Variants in RFX3 observed in about 807,000 individuals in gnomAD.
RFX3 encodes the protein regulatory factor X3.
In RFX3, 14 loss-of-function variants were observed where a neutral mutation model predicts 98.6. The observed-to-expected ratio is 0.14, with a 90% CI of 0.09 to 0.22. RFX3 has a LOEUF of 0.22. RFX3 is among the 10% of genes least tolerant of loss of function. The probability of loss-of-function intolerance (pLI) is 1.00; values close to 1 mark genes in which losing one functional copy is unlikely to be tolerated. For synonymous variants in RFX3, 383 were observed against 328.4 expected (o/e 1.17, Z -1.80); for missense variants, 639 against 926.9 (o/e 0.69, Z 4.03).
intron 2 of RFX3, among the ~76,000 whole-genome samples, chr9:3,373,906 G>T (rs1034648076): frequency 6.6e-6 from 1 of 152,054 alleles, no homozygotes; most frequent in African/African-American, 2.4e-5. Context: ...GTGAAATCCC[G>T]TCTCTAATAA....
At chr9:3,264,211 T>C (rs1823311525) in intron 12 of RFX3, among the ~76,000 whole-genome samples, 1 of 152,210 alleles carries the variant, frequency 6.6e-6, no homozygotes, top group Non-Finnish European at 1.5e-5. Flanking sequence ...TAATGCAAAA[T>C]GTCTACATGA....
rs202171184 is a variant in RFX3 at position 3,463,246 on chromosome 9, A to G, written c.-9+62501T>C. Among the ~76,000 whole-genome samples, 5 of 152,298 alleles carry G rather than the reference A, an allele frequency of 3.3e-5. No homozygotes were observed. In the East Asian group the frequency reaches 9.6e-4, roughly 29 times the overall value. ...ATATATATGGTCAACTGATTTTTCA[A>G]TGAAAACGCTAAGGTAATTAAATGG... On this transcript the variant is annotated intron_variant, in intron 1 of 16. Coordinates refer to ENST00000617270, the MANE Select transcript of RFX3 (RefSeq NM_001282116.2).
intron 13 of RFX3, among the ~76,000 whole-genome samples, chr9:3,259,241 A>C (rs1199294286): frequency 2.6e-5 from 4 of 152,064 alleles, no homozygotes; most frequent in African/African-American, 7.2e-5. Context: ...TTCATTTCTT[A>C]CCATAAATTC....
intron 14 of RFX3, among the ~76,000 whole-genome samples, chr9:3,252,418 G>C (rs1821538777): frequency 6.7e-6 from 1 of 150,208 alleles, no homozygotes; most frequent in African/African-American, 2.4e-5. Context: ...GAGTGATGAG[G>C]GCAGGCATTT....
intron 3 of RFX3, among the ~76,000 whole-genome samples, chr9:3,343,777 C>T (rs773450091): frequency 3.0e-4 from 45 of 152,126 alleles, no homozygotes; most frequent in Non-Finnish European, 5.9e-4. Context: ...ACCAAAAGTG[C>T]ACATTTGTGA....
chr9:3,403,186 G>GA, intron 1 of RFX3, among the ~76,000 whole-genome samples: 1 of 152,046 alleles, frequency 6.6e-6, no homozygotes, highest in East Asian at 1.9e-4. Flanking sequence ...CAGTACAAAT[G>GA]AAAAAACTAG....
At chr9:3,371,876 G>T (rs1837898102) in intron 2 of RFX3, among the ~76,000 whole-genome samples, 1 of 152,118 alleles carries the variant, frequency 6.6e-6, no homozygotes, top group Non-Finnish European at 1.5e-5. Flanking sequence ...CAACTGGAAG[G>T]ACTATGTTTA....
intron 1 of RFX3, among the ~76,000 whole-genome samples, chr9:3,504,951 T>C (rs191402854): frequency 0.015 from 917 of 59,596 alleles, 12 homozygotes; most frequent in Middle Eastern, 0.043. Context: ...TATAATATAA[T>C]ATATATTATA....
chr9:3,295,429 G>A, intron 5 of RFX3, among the ~76,000 whole-genome samples: 1 of 152,000 alleles, frequency 6.6e-6, no homozygotes, highest in East Asian at 1.9e-4. Flanking sequence ...CAGAGCAAGG[G>A]TTGACCACCT....
intron 1 of RFX3, among the ~76,000 whole-genome samples, chr9:3,515,954 C>T (rs946686624): frequency 3.3e-5 from 5 of 152,214 alleles, no homozygotes; most frequent in Non-Finnish European, 7.4e-5. Context: ...GAATATATGA[C>T]TTATCCTGAA....
chr9:3,376,387 G>A (rs66763574), intron 2 of RFX3, among the ~76,000 whole-genome samples: 32,793 of 151,918 alleles, frequency 0.22, 6,192 homozygotes, highest in African/African-American at 0.51. Flanking sequence ...ACGAATGTTT[G>A]AGACCAGAAA....
intron 9 of RFX3, among the ~76,000 whole-genome samples, chr9:3,272,674 A>G (rs536855199): frequency 6.6e-6 from 1 of 152,320 alleles, no homozygotes; most frequent in South Asian, 2.1e-4. Context: ...GACATCTCTA[A>G]AAGTGTGGAG....
intron 4 of RFX3, among the ~76,000 whole-genome samples, chr9:3,317,942 A>C (rs1288974210): frequency 3.9e-5 from 6 of 152,220 alleles, no homozygotes; most frequent in African/African-American, 1.4e-4. Context: ...AGCTAGTTTA[A>C]CCATTGTGAA....
At chr9:3,311,869 G>A (rs1407915041) in intron 4 of RFX3, among the ~76,000 whole-genome samples, 1 of 152,106 alleles carries the variant, frequency 6.6e-6, no homozygotes, top group Non-Finnish European at 1.5e-5. Context: ...GGGCAACAGA[G>A]CAAGACTCTG....
At chr9:3,251,637 T>C (rs972489368) in intron 14 of RFX3, among the ~76,000 whole-genome samples, 1 of 152,086 alleles carries the variant, frequency 6.6e-6, no homozygotes, top group Non-Finnish European at 1.5e-5. Flanking sequence ...GCCTGGCCTG[T>C]ATTTACCACA....
chr9:3,439,800 T>C (rs1450630364), intron 1 of RFX3, among the ~76,000 whole-genome samples: 1 of 151,988 alleles, frequency 6.6e-6, no homozygotes, highest in East Asian at 1.9e-4. Context: ...ATTACTTTAA[T>C]ACACATGGAG....
intron 14 of RFX3, among the ~76,000 whole-genome samples, chr9:3,252,933 TTCTC>T (rs569852528): frequency 2.5e-4 from 38 of 152,376 alleles, no homozygotes; most frequent in Admixed American, 1.7e-3. Context: ...GTCTACTTTA[TTCTC>T]TCTGTGTCAG....
At chr9:3,251,446 C>T (rs910766290) in intron 14 of RFX3, among the ~76,000 whole-genome samples, 10 of 151,784 alleles carry the variant, frequency 6.6e-5, no homozygotes, top group African/African-American at 2.4e-4. Flanking sequence ...CTCCTGGGTT[C>T]CAGTGATCTT....
chr9:3,303,980 T>A (rs973412859), intron 4 of RFX3, among the ~76,000 whole-genome samples: 3 of 151,980 alleles, frequency 2.0e-5, no homozygotes, highest in African/African-American at 7.2e-5. Flanking sequence ...CGAATTTGTG[T>A]AGCCCGGGGA....
Sources: allele counts gnomAD v4.1 joint callset (sites outside exome capture counted in the v4.1 genomes callset), GRCh38; gene constraint gnomAD v4.1.1; transcripts MANE v1.5; gene names NCBI Gene and HGNC (gene_info 2026-07-23, HGNC 2026-07-21).